Variants in NPIPB7 observed in about 807,000 individuals in gnomAD.
NPIPB7 encodes nuclear pore complex interacting protein family member B7, also known as nuclear pore complex-interacting protein family member B7.
For missense variants in NPIPB7, 14 were observed against 238.5 expected (o/e 0.06, Z 6.20); for synonymous variants, 9 against 88.1 (o/e 0.10, Z 5.03).
upstream of NPIPB7, among the ~76,000 whole-genome samples, chr16:28,470,774 C>G (rs1257213930): frequency 3.3e-5 from 5 of 149,454 alleles, no homozygotes; most frequent in Non-Finnish European, 7.5e-5. Context: ...TTCTCAAGCG[C>G]TGGTGGAAGG....
intron 4 of NPIPB7, among the ~76,000 whole-genome samples, chr16:28,460,881 CT>C (rs1329667414): frequency 1.3e-5 from 1 of 75,882 alleles, no homozygotes; most frequent in Non-Finnish European, 2.7e-5. Context: ...AGGAAGCATT[CT>C]ACTCTTGAGT....
chr16:28,469,971 A>C (rs1162308951), intron 1 of NPIPB7, among the ~76,000 whole-genome samples: 1 of 110,022 alleles, frequency 9.1e-6, no homozygotes, highest in Non-Finnish European at 1.9e-5. Flanking sequence ...GACTCTGTCT[A>C]AAAAAAAAAA....
At chr16:28,470,752 G>A (rs1353524546), upstream of NPIPB7, among the ~76,000 whole-genome samples, 1 of 150,764 alleles carries the variant, frequency 6.6e-6, no homozygotes, top group Non-Finnish European at 1.5e-5. Context: ...AAAGGATCCG[G>A]TTCAAATTAA....
At chr16:28,472,127 C>G (rs2045955185), upstream of NPIPB7, among the ~76,000 whole-genome samples, 2 of 152,168 alleles carry the variant, frequency 1.3e-5, no homozygotes, top group African/African-American at 4.8e-5. Flanking sequence ...TAAGAATAAA[C>G]CTGGGTCTGG....
At chr16:28,462,398 C>A in intron 4 of NPIPB7, among the ~76,000 whole-genome samples, 2 of 137,698 alleles carry the variant, frequency 1.5e-5, no homozygotes, top group African/African-American at 2.7e-5. Context: ...GCAACAACAG[C>A]AAAGCTCCAT....
upstream of NPIPB7, among the ~76,000 whole-genome samples, chr16:28,472,207 G>A (rs147671247): frequency 5.8e-3 from 882 of 152,214 alleles, 16 homozygotes; most frequent in South Asian, 0.053. Context: ...GAGCTGAGGA[G>A]TTTGAGACCA....
chr16:28,471,914 C>G (rs888683222), upstream of NPIPB7, among the ~76,000 whole-genome samples: 1 of 152,152 alleles, frequency 6.6e-6, no homozygotes, highest in Non-Finnish European at 1.5e-5. Context: ...CCTGTAGTCC[C>G]AGATACTTGG....
chr16:28,472,289 T>A (rs912139632), upstream of NPIPB7, among the ~76,000 whole-genome samples: 1 of 150,660 alleles, frequency 6.6e-6, no homozygotes, highest in Non-Finnish European at 1.5e-5. Flanking sequence ...TGGTGGCTAA[T>A]TGGGAGGCTG....
chr16:28,469,985 A>AT (rs2045932609), intron 1 of NPIPB7, among the ~76,000 whole-genome samples: 1 of 148,856 alleles, frequency 6.7e-6, no homozygotes, highest in African/African-American at 2.5e-5. Flanking sequence ...AAAAAAAAAA[A>AT]AAAGTCATCA....
intron 1 of NPIPB7, among the ~76,000 whole-genome samples, chr16:28,468,178 GA>G (rs2045916444): frequency 1.2e-5 from 1 of 85,716 alleles, no homozygotes; most frequent in Non-Finnish European, 2.3e-5. Context: ...ATTTTGAGTA[GA>G]AACAGGGTTT....
intron 4 of NPIPB7, among the ~76,000 whole-genome samples, chr16:28,461,734 T>C (rs1282716034): frequency 6.7e-6 from 1 of 149,234 alleles, no homozygotes; most frequent in Non-Finnish European, 1.5e-5. Context: ...TGGATCATGA[T>C]GTCCAGAGTT....
chr16:28,467,566 GTTTT>G (rs2045912769), intron 1 of NPIPB7, among the ~76,000 whole-genome samples: 1 of 135,190 alleles, frequency 7.4e-6, no homozygotes, highest in Non-Finnish European at 1.6e-5. Context: ...ATTTTTTTTT[GTTTT>G]TGTTTTTGTT....
At chr16:28,471,861 A>G (rs1596615667), upstream of NPIPB7, among the ~76,000 whole-genome samples, 1 of 151,530 alleles carries the variant, frequency 6.6e-6, no homozygotes, top group African/African-American at 2.4e-5. Flanking sequence ...TTCATGATTG[A>G]CCTCTCAGGG....
At chr16:28,465,470 G>A (rs1448706071) in intron 2 of NPIPB7, among the ~76,000 whole-genome samples, 3 of 135,096 alleles carry the variant, frequency 2.2e-5, no homozygotes, top group East Asian at 2.1e-4. Flanking sequence ...GGGCAACAGA[G>A]GGAGACTCGT....
rs1472971611 is a variant in NPIPB7, at chr16:28,468,494, A to G, written c.67-1592T>C. On this transcript the variant is annotated intron_variant, in intron 1 of 6. Transcript: ENST00000452313. ...GAGATTACTTCATTCACAAATAAGTATCAAATTTTAGTGCTTAAAAATTAA... is the reference window on the plus strand; with the variant it reads ...GAGATTACTTCATTCACAAATAAGTGTCAAATTTTAGTGCTTAAAAATTAA... 2.6e-3 allele frequency among the ~76,000 whole-genome samples: 382 copies of G among 147,020 alleles called. No homozygotes were observed. The East Asian group carries it at 0.048, about 18-fold the overall frequency.
At chr16:28,472,041 A>G (rs1567251198), upstream of NPIPB7, among the ~76,000 whole-genome samples, 1 of 152,196 alleles carries the variant, frequency 6.6e-6, no homozygotes, top group Non-Finnish European at 1.5e-5. Context: ...AAAAAAAAAA[A>G]GTTGGAGGAT....
At chr16:28,464,404 T>C (rs1161024726) in intron 2 of NPIPB7, among the ~76,000 whole-genome samples, 1 of 152,176 alleles carries the variant, frequency 6.6e-6, no homozygotes. Context: ...TTCTAAGATA[T>C]TAAATATTTG....
At chr16:28,469,722 C>G in intron 1 of NPIPB7, 1 of 392,164 alleles carries the variant, frequency 2.5e-6, no homozygotes, top group Non-Finnish European at 4.9e-6. Flanking sequence ...GGCGCGGTGG[C>G]TCACGCCTGT....
chr16:28,470,290 A>T (rs2045936440), intron 1 of NPIPB7, 83 bp downstream of exon 1: 2 of 1,394,258 alleles, frequency 1.4e-6, no homozygotes, highest in South Asian at 2.5e-5. Context: ...TGCTGGGATT[A>T]CAGGCCTGAG....
Sources: allele counts gnomAD v4.1 joint callset (sites outside exome capture counted in the v4.1 genomes callset), GRCh38; gene constraint gnomAD v4.1.1; transcripts MANE v1.5; gene names NCBI Gene and HGNC (gene_info 2026-07-23, HGNC 2026-07-21).